The following POTEF variants were observed in gnomAD, a reference collection of about 807,000 sequenced individuals.
The protein encoded by POTEF is POTE ankyrin domain family member F, also known as ANKRD26-like family C member 1B.
A neutral mutation model predicts 83.2 loss-of-function variants in POTEF; 20 were observed. The observed-to-expected ratio is 0.24, with a 90% CI of 0.17 to 0.35. The LOEUF is 0.35. POTEF is among the 10% of genes least tolerant of loss of function. The pLI, the probability that POTEF is intolerant of heterozygous loss-of-function variation, is 1.00. For synonymous variants in POTEF, 196 were observed against 446.4 expected, an observed-to-expected ratio of 0.44 and a Z score of 7.07; for missense variants, 550 against 1,203.2, an observed-to-expected ratio of 0.46 and a Z score of 8.03.
intron 2 of POTEF, among the ~76,000 whole-genome samples, chr2:130,123,146 T>C (rs1220163901): frequency 7.4e-6 from 1 of 134,762 alleles, no homozygotes; most frequent in Non-Finnish European, 1.6e-5. Context: ...CTAGTTGTTA[T>C]TTAAAAAAAA....
Position 130,086,352 on chromosome 2 carries a change from AC to A in POTEF, c.1586del (p.Gly529ValfsTer5). 1 of 1,535,326 alleles carries A rather than the reference AC, an allele frequency of 6.5e-7. No individual in the cohort carries two copies. ...RSQEPEINKD[G>X]DRELENFMAI... Reference sequence around the variant, plus strand: ...GAATATAAAGGTATACCTCTCTATCACCATCCTTATTTATTTCTGGTTCTTG... The same window carrying A: ...GAATATAAAGGTATACCTCTCTATCACATCCTTATTTATTTCTGGTTCTTG... On this transcript the variant is annotated frameshift_variant, in exon 14 of 17. Coordinates refer to ENST00000409914, the MANE Select transcript of POTEF (RefSeq NM_001099771.2). LOFTEE classifies it high-confidence loss of function.
chr2:130,074,925 A>T lies in POTEF; in HGVS notation c.2547T>A (p.Thr849=), dbSNP rs1683737174. The change falls in exon 17 of 17, where the codon ACT becomes ACA. Residue 849 remains threonine, a synonymous_variant. Coordinates refer to ENST00000409914, the MANE Select transcript of POTEF (RefSeq NM_001099771.2). ...CGTCACCAGAGTCCATCACGATGCCAGTAGTACGGCCAGAGGTGTACAGGG... is the reference window on the plus strand; with the variant it reads ...CGTCACCAGAGTCCATCACGATGCCTGTAGTACGGCCAGAGGTGTACAGGG... ...VLSLYTSGRT[T]GIVMDSGDGV... is the part of the protein sequence containing the mutation. 6.2e-7 allele frequency: 1 copy of T among 1,604,786 alleles called. No individual in the cohort carries two copies.
intron 11 of POTEF, among the ~76,000 whole-genome samples, chr2:130,096,639 A>C (rs1239439873): frequency 6.6e-5 from 10 of 152,270 alleles, no homozygotes; most frequent in African/African-American, 2.4e-4. Context: ...TAGCATATAC[A>C]CAATAGAAAA....
At position 130,120,083 on chromosome 2, in the gene POTEF, T is replaced by C; in HGVS notation, c.433A>G (p.Arg145Gly). 1.2e-6 allele frequency: 2 copies of C among 1,601,078 alleles called. No homozygotes were observed. Among genetic ancestry groups the C allele is most frequent in the Non-Finnish European group, 1.7e-6 (2 of 1,177,674 alleles). Residue 145 changes from arginine (R) to glycine (G), a missense_variant, in exon 3 of 17, where the codon AGA becomes GGA. Coordinates refer to ENST00000409914, the MANE Select transcript of POTEF (RefSeq NM_001099771.2). ...VRGEDLDKLHRAAWWGKVPRK... is the reference protein window; with the variant it reads ...VRGEDLDKLHGAAWWGKVPRK... ...GGGACTTTACCCCACCAGGCAGCTC[T>C]GTGGAGCTTGTCCAGATCTTCTCCA...
At chr2:130,116,928 T>TAC (rs1684861028) in intron 3 of POTEF, among the ~76,000 whole-genome samples, 2 of 101,292 alleles carry the variant, frequency 2.0e-5, no homozygotes, top group Admixed American at 2.4e-4. Flanking sequence ...GCCCAGCAGA[T>TAC]AAACATGAAG....
At chr2:130,121,994 T>G (rs1025043852) in intron 2 of POTEF, among the ~76,000 whole-genome samples, 4 of 151,824 alleles carry the variant, frequency 2.6e-5, no homozygotes, top group African/African-American at 9.7e-5. Context: ...CCCTAGGCAA[T>G]CATCCATCTA....
rs1043711782 is a variant in POTEF, at chr2:130,120,631, C to A, written c.-93-23G>T. The A allele has an allele frequency of 1.9e-5, 30 of 1,571,114 alleles. 1 individual carries two copies. In the Admixed American group the frequency reaches 5.2e-4, roughly 27 times the overall value. On this transcript the variant is annotated intron_variant, in intron 2 of 16. Transcript: ENST00000409914. ...AATCTGTTTGAAGAGAAAAGTCAAT[C>A]CCAGCCAAAACCTGCCAACCCCAGC...
chr2:130,101,004 A>G (rs1176679909), intron 9 of POTEF, among the ~76,000 whole-genome samples: 1 of 148,008 alleles, frequency 6.8e-6, no homozygotes, highest in Non-Finnish European at 1.5e-5. Context: ...GTGAACCAGC[A>G]AACTTAATTT....
At chr2:130,099,123 T>C (rs375540850) in intron 11 of POTEF, among the ~76,000 whole-genome samples, 1,818 of 58,898 alleles carry the variant, frequency 0.031, 566 homozygotes, top group Non-Finnish European at 0.035. Context: ...CTTTTGGTGT[T>C]TTGCTTATTA....
At chr2:130,125,840 G>C (rs1685078462) in intron 2 of POTEF, among the ~76,000 whole-genome samples, 1 of 150,866 alleles carries the variant, frequency 6.6e-6, no homozygotes, top group Admixed American at 6.6e-5. Flanking sequence ...CAGGAGGCAG[G>C]GGTTGCAGTG....
At chr2:130,083,471 A>G (rs1381924716) in intron 15 of POTEF, among the ~76,000 whole-genome samples, 3 of 142,984 alleles carry the variant, frequency 2.1e-5, no homozygotes, top group Non-Finnish European at 4.5e-5. Flanking sequence ...GAAAAGCCTG[A>G]GGGAGTGAGG....
chr2:130,123,023 T>C (rs1265425535), intron 2 of POTEF, among the ~76,000 whole-genome samples: 21 of 133,630 alleles, frequency 1.6e-4, no homozygotes, highest in African/African-American at 5.7e-4. Flanking sequence ...CAGTTACATA[T>C]AACGTTCTCA....
chr2:130,126,418 A>G (rs1452447733), intron 2 of POTEF, among the ~76,000 whole-genome samples: 1 of 152,142 alleles, frequency 6.6e-6, no homozygotes, highest in Non-Finnish European at 1.5e-5. Flanking sequence ...TGACTCCTGC[A>G]TAGCTCCAAA....
At chr2:130,110,400 T>C (rs755821380) in intron 7 of POTEF, 143 bp downstream of exon 7, 449 of 1,562,750 alleles carry the variant, frequency 2.9e-4, no homozygotes, top group Non-Finnish European at 2.7e-4. Context: ...GATTTCTGGC[T>C]GATGCAGGGG....
At position 130,108,186 on chromosome 2, in the gene POTEF, G is replaced by C. The variant is rs377672158; in HGVS notation, c.1056-107C>G. The C allele has an allele frequency of 1.4e-5, 21 of 1,464,898 alleles. No homozygotes were observed. In the East Asian group the frequency reaches 5.3e-4, roughly 37 times the overall value. The allele number at this position is 1,464,898 out of a possible 1,614,324, so 90.7% of individuals were successfully genotyped here. A position where few individuals can be genotyped will look rare whatever the true frequency, so the allele number is the denominator to read the frequency against. On this transcript the variant is annotated intron_variant, in intron 7 of 16. Coordinates refer to ENST00000409914, the MANE Select transcript of POTEF (RefSeq NM_001099771.2). ...TATTTCAAACAATATCAGAATAACA[G>C]AACTTAATAGTATTATCCCACCCAC...
intron 7 of POTEF, chr2:130,109,147 C>T (rs1684632998): frequency 6.6e-6 from 1 of 151,242 alleles, no homozygotes; most frequent in African/African-American, 2.5e-5. Flanking sequence ...CTTTGATTCA[C>T]ACTATTTCCT....
intron 1 of POTEF, among the ~76,000 whole-genome samples, chr2:130,128,228 G>A (rs569520009): frequency 4.0e-5 from 6 of 150,202 alleles, no homozygotes; most frequent in South Asian, 2.1e-4. Flanking sequence ...ATCCCCACCC[G>A]GTAGTCCCAG....
At chr2:130,105,417 A>T (rs1035195771) in intron 8 of POTEF, among the ~76,000 whole-genome samples, 2 of 151,694 alleles carry the variant, frequency 1.3e-5, no homozygotes, top group Non-Finnish European at 1.5e-5. Flanking sequence ...ATGTATGACA[A>T]GGAAACTATA....
chr2:130,117,549 T>A (rs1156553073), intron 3 of POTEF, among the ~76,000 whole-genome samples: 1 of 152,062 alleles, frequency 6.6e-6, no homozygotes, highest in Non-Finnish European at 1.5e-5. Context: ...TCTGTTCGTG[T>A]ATATGTGTAA....
Sources: allele counts gnomAD v4.1 joint callset (sites outside exome capture counted in the v4.1 genomes callset), GRCh38; gene constraint gnomAD v4.1.1; transcripts MANE v1.5; gene names NCBI Gene and HGNC (gene_info 2026-07-23, HGNC 2026-07-21).